PCDHGB2: variants seen among roughly 807,000 people sequenced by gnomAD.
PCDHGB2 encodes protocadherin gamma subfamily B, 2.
PCDHGB2 carries 55 observed loss-of-function variants against 59.3 expected under a neutral mutation model. The ratio of observed to expected loss-of-function variants is 0.93; its 90% CI spans 0.75 to 1.16. PCDHGB2 has a LOEUF of 1.16. Ranked by LOEUF, PCDHGB2 falls within the 50% of genes most tolerant of loss-of-function variation. The pLI is 0.00. For synonymous variants in PCDHGB2, 516 were observed against 512.0 expected (o/e 1.01, Z -0.11); for missense variants, 1,228 against 1,198.5 (o/e 1.02, Z -0.36).
chr5:141,420,318 T>C, intron 1 of PCDHGB2: 1 of 1,446,376 alleles, frequency 6.9e-7, no homozygotes, highest in Non-Finnish European at 9.3e-7. Context: ...TATTACAATA[T>C]GCCAATATAT....
At position 141,476,011 on chromosome 5, in the gene PCDHGB2, A is replaced by C. The variant is rs1415142555; in HGVS notation, c.2422-18796A>C. On this transcript the variant is annotated intron_variant, in intron 1 of 3. Coordinates refer to ENST00000522605, the MANE Select transcript of PCDHGB2 (RefSeq NM_018923.3). This position sits in a 1 kb window ranked among gnomAD's most constrained non-coding sequence, Gnocchi z 7.6. The stretch of plus-strand genomic sequence containing the variant: ...GCAAATCAACGGCATCCAGAAAGCC[A>C]TGTCGGACTCGGCGCCCAGCGCCCA... 2.3e-6 allele frequency: 3 copies of C among 1,311,164 alleles called. No homozygotes were observed. Among genetic ancestry groups the C allele is most frequent in the African/African-American group, 1.5e-5 (1 of 68,020 alleles). 81.2% of individuals were successfully genotyped at this position (1,311,164 alleles called of 1,614,324 possible).
chr5:141,421,787 C>A (rs753196648), intron 1 of PCDHGB2: 1 of 1,613,812 alleles, frequency 6.2e-7, no homozygotes, highest in East Asian at 2.2e-5. Flanking sequence ...CGGGGCAGAA[C>A]GGATGGGGCC....
intron 1 of PCDHGB2, chr5:141,372,329 T>G (rs374029933): frequency 2.5e-6 from 4 of 1,613,738 alleles, no homozygotes; most frequent in Non-Finnish European, 2.5e-6. Context: ...TGCTGGTCAC[T>G]GTGCGTGATG....
At chr5:141,388,965 G>T (rs1164641835) in intron 1 of PCDHGB2, 1 of 1,613,978 alleles carries the variant, frequency 6.2e-7, no homozygotes, top group Admixed American at 1.7e-5. Context: ...CGCCGAGCTG[G>T]GAACACATAT....
intron 1 of PCDHGB2, chr5:141,404,476 C>T (rs1453332441): frequency 6.2e-7 from 1 of 1,613,362 alleles, no homozygotes; most frequent in South Asian, 1.1e-5. Context: ...TCTCTATTAA[C>T]TCAGACACTG....
rs757468959 is a variant in PCDHGB2, at chr5:141,395,139, G to A, written c.2421+32583G>A. On this transcript the variant is annotated intron_variant, in intron 1 of 3. Coordinates refer to ENST00000522605, the MANE Select transcript of PCDHGB2 (RefSeq NM_018923.3). ...CCTGATCTTTCCCCAGCCCAACTAC[G>A]CAGACATGCTCATCAGTCAGGAGGG... 10 of 1,614,026 alleles carry A rather than the reference G, an allele frequency of 6.2e-6. No homozygotes were observed. In the East Asian group the frequency reaches 1.3e-4, roughly 22 times the overall value.
chr5:141,376,002 A>G, intron 1 of PCDHGB2: 6 of 1,613,478 alleles, frequency 3.7e-6, no homozygotes, highest in Non-Finnish European at 5.1e-6. Flanking sequence ...GCGCTCAAGC[A>G]GAGCCTAGTG....
intron 1 of PCDHGB2, among the ~76,000 whole-genome samples, chr5:141,445,553 A>T (rs948468877): frequency 1.3e-5 from 2 of 152,252 alleles, no homozygotes; most frequent in Non-Finnish European, 1.5e-5. Context: ...ATACAAAAGC[A>T]CTAAGAGAAA....
intron 1 of PCDHGB2, chr5:141,418,009 C>G (rs780624400): frequency 6.2e-7 from 1 of 1,613,776 alleles, no homozygotes; most frequent in African/African-American, 1.3e-5. Context: ...TGGGGAACCT[C>G]GCTAAGGATC....
rs17097211 is a variant in PCDHGB2 at position 141,423,498 on chromosome 5, G to A, written c.2421+60942G>A. 9.4e-4 allele frequency: 1,510 copies of A among 1,613,948 alleles called. 9 individuals are homozygous for A. In the African/African-American group the frequency reaches 0.016, roughly 17 times the overall value. ...CTTTCCTGCAAACCTATTCCCACGA[G>A]GTCTCTCTCATTGCGGACTCGCAGA... On this transcript the variant is annotated intron_variant, in intron 1 of 3. Transcript: ENST00000522605.
chr5:141,404,242 G>A (rs372976589), intron 1 of PCDHGB2: 30 of 1,613,344 alleles, frequency 1.9e-5, no homozygotes, highest in Non-Finnish European at 2.4e-5. Flanking sequence ...GAGGAACTCC[G>A]CCCCTGTCCA....
chr5:141,464,144 A>G (rs1305530394), intron 1 of PCDHGB2, among the ~76,000 whole-genome samples: 1 of 152,030 alleles, frequency 6.6e-6, no homozygotes, highest in South Asian at 2.1e-4. Context: ...GGGCGCCTGT[A>G]GTCCCAGCTA....
chr5:141,463,438 CTTTTTTTT>C (rs71576115), intron 1 of PCDHGB2, among the ~76,000 whole-genome samples: 7 of 103,252 alleles, frequency 6.8e-5, no homozygotes, highest in East Asian at 2.4e-4. Flanking sequence ...TTTCCTTCTC[CTTTTTTTT>C]TTTTTTTTTT....
At chr5:141,494,759 C>G (rs776923097) in intron 1 of PCDHGB2, 48 bp from the exon 2 acceptor site, 2 of 1,613,886 alleles carry the variant, frequency 1.2e-6, no homozygotes, top group Middle Eastern at 1.6e-4. Flanking sequence ...GGGTGACATT[C>G]TAACTTCTCA....
chr5:141,373,678 A>G (rs4151698), intron 1 of PCDHGB2, among the ~76,000 whole-genome samples: 17,665 of 152,222 alleles, frequency 0.12, 1,184 homozygotes, highest in African/African-American at 0.18. Flanking sequence ...TGAATGGTAA[A>G]CTTCAGAGAA....
chr5:141,403,532 C>A (rs1313886103), intron 1 of PCDHGB2: 1 of 1,613,892 alleles, frequency 6.2e-7, no homozygotes, highest in Non-Finnish European at 8.5e-7. Context: ...AAACCCAGAG[C>A]TGGTGCTGGA....
chr5:141,372,095 G>C (rs1359793562), intron 1 of PCDHGB2: 1 of 1,613,790 alleles, frequency 6.2e-7, no homozygotes, highest in Admixed American at 1.7e-5. Context: ...ACCCAGCTCT[G>C]GGGCCCGAAG....
rs367744321 is a variant in PCDHGB2, at chr5:141,489,394, C to G, written c.2422-5413C>G. The G allele has an allele frequency of 3.7e-6, 6 of 1,614,008 alleles. No individual in the cohort carries two copies. In the African/African-American group the frequency reaches 6.7e-5, roughly 18 times the overall value. On this transcript the variant is annotated intron_variant, in intron 1 of 3. Transcript: ENST00000522605. The surrounding 1 kb of genome is among the most constrained non-coding windows in gnomAD (Gnocchi z 4.5). ...GCTGGTGGGGAATGTTGCTCAGGATCTGGGCTTAAAGATGACAGATCTGTT... is the reference window on the plus strand; with the variant it reads ...GCTGGTGGGGAATGTTGCTCAGGATGTGGGCTTAAAGATGACAGATCTGTT...
intron 1 of PCDHGB2, among the ~76,000 whole-genome samples, chr5:141,445,751 G>T (rs1211416281): frequency 2.0e-5 from 3 of 152,102 alleles, no homozygotes; most frequent in Non-Finnish European, 4.4e-5. Context: ...AAAAATAAAA[G>T]GTGTGACTCA....
Sources: gnomAD v4.1 joint callset for allele counts (sites outside exome capture counted in the v4.1 genomes callset) on GRCh38, gnomAD v4.1.1 for gene constraint, Gnocchi (gnomAD v3.1) non-coding constraint, MANE v1.5 for transcripts, NCBI Gene and HGNC (gene_info 2026-07-23, HGNC 2026-07-21) for gene names.